Variants in NAALADL2 observed in about 807,000 individuals in gnomAD.
NAALADL2 encodes the protein inactive N-acetylated-alpha-linked acidic dipeptidase-like protein 2.
A neutral mutation model predicts 87.2 loss-of-function variants in NAALADL2; 76 were observed. The ratio of observed to expected loss-of-function variants is 0.87; its 90% CI spans 0.72 to 1.05. The LOEUF (loss-of-function observed/expected upper bound fraction) is 1.05, where lower values mean the gene tolerates loss of function less well. Ranked by LOEUF, NAALADL2 falls within the 50% of genes least tolerant of loss-of-function variation. NAALADL2 has a pLI of 0.00. For missense variants in NAALADL2, 1,089 were observed against 945.8 expected, an observed-to-expected ratio of 1.15 and a Z score of -1.99; for synonymous variants, 354 against 331.0, an observed-to-expected ratio of 1.07 and a Z score of -0.75.
chr3:175,597,212 A>G (rs1358506988), intron 10 of NAALADL2, among the ~76,000 whole-genome samples: 2 of 152,050 alleles, frequency 1.3e-5, no homozygotes, highest in Non-Finnish European at 2.9e-5. Flanking sequence ...ATGTTTATTT[A>G]TCAACAATTC....
chr3:174,908,827 G>A (rs1358005726), intron 1 of NAALADL2, among the ~76,000 whole-genome samples: 1 of 151,884 alleles, frequency 6.6e-6, no homozygotes, highest in Non-Finnish European at 1.5e-5. Context: ...TAGATCTATG[G>A]CAGGTATCCA....
intron 9 of NAALADL2, among the ~76,000 whole-genome samples, chr3:175,559,132 A>C (rs189845366): frequency 5.3e-4 from 81 of 152,056 alleles, no homozygotes; most frequent in Non-Finnish European, 4.4e-5. Context: ...CATGGTAGAG[A>C]TCTTTCACTT....
intron 2 of NAALADL2, among the ~76,000 whole-genome samples, chr3:174,702,243 A>T (rs1264776969): frequency 1.3e-5 from 2 of 152,074 alleles, no homozygotes; most frequent in Admixed American, 6.5e-5. Context: ...TGTTCAAATA[A>T]TTTTTTTGTT....
At chr3:175,510,966 A>G (rs1160389845) in intron 9 of NAALADL2, among the ~76,000 whole-genome samples, 4 of 152,192 alleles carry the variant, frequency 2.6e-5, no homozygotes, top group African/African-American at 7.2e-5. Flanking sequence ...TACTATGGTG[A>G]TGATGTTATC....
chr3:174,709,506 T>TAAAGTTAA (rs1466617825), intron 2 of NAALADL2, among the ~76,000 whole-genome samples: 1 of 152,192 alleles, frequency 6.6e-6, no homozygotes, highest in Non-Finnish European at 1.5e-5. Context: ...TCTGGGTTTC[T>TAAAGTTAA]AAAGTTAATA....
chr3:175,075,539 C>T (rs1716430811), intron 1 of NAALADL2, among the ~76,000 whole-genome samples: 1 of 152,126 alleles, frequency 6.6e-6, no homozygotes, highest in East Asian at 1.9e-4. Context: ...AACAATGTTC[C>T]ATTTTAGTCC....
intron 9 of NAALADL2, among the ~76,000 whole-genome samples, chr3:175,525,120 A>G (rs1226346724): frequency 6.6e-6 from 1 of 152,140 alleles, no homozygotes; most frequent in Non-Finnish European, 1.5e-5. Context: ...ATAAATGTAT[A>G]TAGATAATAG....
chr3:174,615,430 A>G (rs758475017), intron 2 of NAALADL2, among the ~76,000 whole-genome samples: 2 of 152,160 alleles, frequency 1.3e-5, no homozygotes, highest in Non-Finnish European at 2.9e-5. Context: ...CCTCCTGTTA[A>G]CCAAAATGGA....
intron 1 of NAALADL2, among the ~76,000 whole-genome samples, chr3:174,996,711 C>T (rs1047804373): frequency 2.6e-5 from 4 of 151,994 alleles, no homozygotes; most frequent in East Asian, 1.9e-4. Context: ...TTTGTGGTGA[C>T]GTCTGAGATC....
At chr3:175,019,929 A>G (rs1276016144) in intron 1 of NAALADL2, among the ~76,000 whole-genome samples, 1 of 152,066 alleles carries the variant, frequency 6.6e-6, no homozygotes, top group African/African-American at 2.4e-5. Context: ...GGGAAGAAGG[A>G]GTTTGTTTTT....
At chr3:175,385,955 T>C (rs1410096730) in intron 5 of NAALADL2, among the ~76,000 whole-genome samples, 1 of 151,940 alleles carries the variant, frequency 6.6e-6, no homozygotes. Context: ...GAATAAAAGA[T>C]TTTTTGAAAA....
intron 11 of NAALADL2, among the ~76,000 whole-genome samples, chr3:175,652,479 C>CTTT (rs771774912): frequency 1.8e-4 from 24 of 132,390 alleles, no homozygotes; most frequent in African/African-American, 5.1e-4. Context: ...TCTTTTCTTT[C>CTTT]TTTTTTTTTT....
intron 6 of NAALADL2, among the ~76,000 whole-genome samples, chr3:175,451,529 C>T (rs1721578217): frequency 6.6e-6 from 1 of 152,052 alleles, no homozygotes; most frequent in South Asian, 2.1e-4. Context: ...GCTTAATTTT[C>T]ACATATCAAT....
At chr3:174,778,613 T>C (rs1026742148) in intron 3 of NAALADL2, among the ~76,000 whole-genome samples, 6 of 152,100 alleles carry the variant, frequency 3.9e-5, no homozygotes, top group Non-Finnish European at 8.8e-5. Flanking sequence ...TGTCTCCTAA[T>C]GCTATCCCTC....
intron 2 of NAALADL2, among the ~76,000 whole-genome samples, chr3:175,143,397 A>G (rs1730296164): frequency 6.6e-6 from 1 of 151,950 alleles, no homozygotes; most frequent in South Asian, 2.1e-4. Flanking sequence ...TTAAATTGAG[A>G]TGCTTTGTGT....
chr3:174,465,168 A>G (rs1266388431), intron 1 of NAALADL2, among the ~76,000 whole-genome samples: 3 of 152,038 alleles, frequency 2.0e-5, no homozygotes, highest in African/African-American at 7.3e-5. Context: ...GATTGAGTAT[A>G]TAGTTATGAT....
intron 11 of NAALADL2, among the ~76,000 whole-genome samples, chr3:175,696,759 G>A (rs1737849284): frequency 6.6e-6 from 1 of 152,252 alleles, no homozygotes; most frequent in South Asian, 2.1e-4. Flanking sequence ...AAGAAAAGAA[G>A]TTTATTTGGC....
At chr3:174,986,724 G>A (rs1560444667) in intron 1 of NAALADL2, among the ~76,000 whole-genome samples, 1 of 152,066 alleles carries the variant, frequency 6.6e-6, no homozygotes, top group Non-Finnish European at 1.5e-5. Context: ...GTTTCAAGAT[G>A]GTTTAGAATG....
chr3:174,951,372 TCA>T (rs1241896816), intron 1 of NAALADL2, among the ~76,000 whole-genome samples: 1 of 152,080 alleles, frequency 6.6e-6, no homozygotes, highest in African/African-American at 2.4e-5. Context: ...ACCTGCAAGC[TCA>T]CATTATGAAC....
Sources: allele counts gnomAD v4.1 joint callset (sites outside exome capture counted in the v4.1 genomes callset), GRCh38; gene constraint gnomAD v4.1.1; transcripts MANE v1.5; gene names NCBI Gene and HGNC (gene_info 2026-07-23, HGNC 2026-07-21).